Variants in LOC728743 observed in about 807,000 individuals in gnomAD.
chr7:150,407,537 C>T, the LOC728743 span: 13 of 398,080 alleles, frequency 3.3e-5, no homozygotes, highest in African/African-American at 2.3e-4. Context: ...GTTCCCCGAC[C>T]CCTCTCTCTC....
the LOC728743 span, among the ~76,000 whole-genome samples, chr7:150,406,397 C>G: frequency 6.6e-6 from 1 of 152,058 alleles, no homozygotes. Context: ...AGAAGTGGCC[C>G]TTTGGAATGC....
chr7:150,407,358 G>T, the LOC728743 span, among the ~76,000 whole-genome samples: 186 of 152,300 alleles, frequency 1.2e-3, 2 homozygotes, highest in Non-Finnish European at 2.1e-3. Flanking sequence ...CTAGGAGAAG[G>T]TGCCCTTGGG....
chr7:150,408,442 G>C, the LOC728743 span: 1 of 346,808 alleles, frequency 2.9e-6, no homozygotes, highest in Non-Finnish European at 5.2e-6. Context: ...AGCTGCTTCC[G>C]GCTCCTGCCA....
chr7:150,411,760 C>A, the LOC728743 span: 1 of 152,336 alleles, frequency 6.6e-6, no homozygotes, highest in African/African-American at 2.4e-5. Context: ...CCTTGGCCGA[C>A]CTAGAGGAAA....
chr7:150,408,760 A>T, the LOC728743 span, among the ~76,000 whole-genome samples: 1 of 152,090 alleles, frequency 6.6e-6, no homozygotes. Flanking sequence ...ATGTCATTTC[A>T]CTTCATGTTT....
At chr7:150,404,893 G>A in the LOC728743 span, 1 of 152,292 alleles carries the variant, frequency 6.6e-6, no homozygotes, top group African/African-American at 2.4e-5. Flanking sequence ...CCCTCGCCCA[G>A]GGCCGCTCCG....
At chr7:150,405,757 G>A in the LOC728743 span, 1 of 152,202 alleles carries the variant, frequency 6.6e-6, no homozygotes, top group South Asian at 2.1e-4. Context: ...TAAGAGCAAC[G>A]TCGCGGGACG....
the LOC728743 span, among the ~76,000 whole-genome samples, chr7:150,409,299 C>T: frequency 6.6e-6 from 1 of 152,058 alleles, no homozygotes; most frequent in African/African-American, 2.4e-5. Flanking sequence ...GAATCAGAGG[C>T]ACTGTGAGGA....
At chr7:150,406,070 T>C in the LOC728743 span, among the ~76,000 whole-genome samples, 2 of 152,164 alleles carry the variant, frequency 1.3e-5, no homozygotes, top group Non-Finnish European at 2.9e-5. Flanking sequence ...TCTTTGCAGA[T>C]GTCAGTGCAG....
At chr7:150,409,147 G>GA in the LOC728743 span, among the ~76,000 whole-genome samples, 1 of 149,404 alleles carries the variant, frequency 6.7e-6, no homozygotes, top group African/African-American at 2.5e-5. Context: ...TCAAGGGAGG[G>GA]GGGGTCCTGA....
chr7:150,407,839 CT>C, the LOC728743 span: 1 of 420,150 alleles, frequency 2.4e-6, no homozygotes. Flanking sequence ...GCGGCAAGGC[CT>C]TCAGCGTCAA....
chr7:150,409,708 A>T, the LOC728743 span, among the ~76,000 whole-genome samples: 1 of 151,978 alleles, frequency 6.6e-6, no homozygotes, highest in Admixed American at 6.6e-5. Context: ...TGAAGGGGAC[A>T]TGGCATCCCT....
the LOC728743 span, chr7:150,408,099 G>A: frequency 2.6e-6 from 1 of 377,938 alleles, no homozygotes; most frequent in Non-Finnish European, 4.7e-6. Flanking sequence ...TTCGGGGAGC[G>A]GCGGCCCTAC....
chr7:150,401,319 T>A, the LOC728743 span, among the ~76,000 whole-genome samples: 1 of 152,152 alleles, frequency 6.6e-6, no homozygotes, highest in Non-Finnish European at 1.5e-5. Flanking sequence ...CACTGCCCAG[T>A]CCCGGGGAGC....
At chr7:150,404,022 A>ACCCTCAT in the LOC728743 span, among the ~76,000 whole-genome samples, 1 of 151,968 alleles carries the variant, frequency 6.6e-6, no homozygotes, top group East Asian at 1.9e-4. Context: ...TGCAGAGAGG[A>ACCCTCAT]CCCTCATGGT....
At chr7:150,407,775 A>C in the LOC728743 span, 1 of 401,150 alleles carries the variant, frequency 2.5e-6, no homozygotes, top group Non-Finnish European at 4.4e-6. Flanking sequence ...CTGGTGCGGC[A>C]CCAGAAGGCG....
At chr7:150,405,034 A>G in the LOC728743 span, 3 of 152,308 alleles carry the variant, frequency 2.0e-5, no homozygotes, top group East Asian at 5.8e-4. Flanking sequence ...TGGTGCTATA[A>G]CGGCCGAATG....
the LOC728743 span, among the ~76,000 whole-genome samples, chr7:150,407,027 G>T: frequency 6.6e-6 from 1 of 152,102 alleles, no homozygotes; most frequent in African/African-American, 2.4e-5. Context: ...TCCAAGTTTG[G>T]GGTGCACTTC....
At chr7:150,410,136 T>C in the LOC728743 span, 2 of 398,676 alleles carry the variant, frequency 5.0e-6, no homozygotes, top group Non-Finnish European at 8.8e-6. Context: ...CACCTGATCC[T>C]GATCTCTTTG....
Sources: gnomAD v4.1 joint callset for allele counts (sites outside exome capture counted in the v4.1 genomes callset) on GRCh38, gnomAD v4.1.1 for gene constraint, MANE v1.5 for transcripts.